DPP6: variants seen among roughly 807,000 people sequenced by gnomAD.
The protein encoded by DPP6 is A-type potassium channel modulatory protein DPP6.
DPP6 carries 69 observed loss-of-function variants against 122.6 expected under a neutral mutation model. The ratio of observed to expected loss-of-function variants is 0.56; its 90% confidence interval spans 0.46 to 0.69. The LOEUF (loss-of-function observed/expected upper bound fraction) is 0.69, where lower values mean the gene tolerates loss of function less well. Ranked by LOEUF, DPP6 falls within the 30% of genes least tolerant of loss-of-function variation. The pLI is 0.00. For synonymous variants in DPP6, 418 were observed against 433.1 expected, an observed-to-expected ratio of 0.97 and a Z score of 0.43; for missense variants, 928 against 1,116.9, an observed-to-expected ratio of 0.83 and a Z score of 2.41.
intron 2 of DPP6, among the ~76,000 whole-genome samples, chr7:154,449,735 C>T (rs903039245): frequency 3.3e-5 from 5 of 151,954 alleles, no homozygotes; most frequent in African/African-American, 7.3e-5. Flanking sequence ...TGGCGGGGCG[C>T]GGTGGCTCAC....
chr7:154,637,829 A>T lies in DPP6; in HGVS notation c.636A>T (p.Gln212His). Residue 212 changes from glutamine (Q) to histidine (H), a missense_variant, in exon 6 of 26, where the codon CAA becomes CAT. By Grantham distance (24) the Gln-to-His change is conservative. Coordinates refer to ENST00000377770, the MANE Select transcript of DPP6 (RefSeq NM_130797.4). ...CTTTTTGTCTGTTGCAGATATATCA[A>T]CACTCGTATACTGGATATTACGTCC... ...LFSYNVEPIYQHSYTGYYVLS... is the reference protein window; with the variant it reads ...LFSYNVEPIYHHSYTGYYVLS... 4 of 1,580,588 alleles carry T rather than the reference A, an allele frequency of 2.5e-6. No homozygotes were observed. The highest frequency in any genetic ancestry group is 3.4e-6 in the Non-Finnish European group (4 of 1,161,844).
chr7:154,514,146 G>A (rs1326705432), intron 3 of DPP6, among the ~76,000 whole-genome samples: 5 of 151,980 alleles, frequency 3.3e-5, no homozygotes, highest in Admixed American at 1.3e-4. Context: ...CATGGTGGTG[G>A]GTACCTGTAA....
chr7:153,811,711 G>A, the DPP6 span, among the ~76,000 whole-genome samples: 1 of 152,244 alleles, frequency 6.6e-6, no homozygotes, highest in African/African-American at 2.4e-5. Flanking sequence ...TGCTCTTAAA[G>A]TCACAAAACT....
chr7:154,573,701 GTCA>G lies in DPP6; in HGVS notation c.627+6789_627+6791del, dbSNP rs1372426774. ...TTACTACATGAGATTATCAAAAATG[GTCA>G]TCACTGATTTTTGAAATGTGTGTTT... is the stretch of plus-strand genomic sequence containing the variant. On this transcript the variant is annotated intron_variant, in intron 5 of 25. Transcript: ENST00000377770. Among the ~76,000 whole-genome samples, 382 of 152,352 alleles carry G rather than the reference GTCA, an allele frequency of 2.5e-3. 2 individuals carry two copies. Among genetic ancestry groups the G allele is most frequent in the African/African-American group, 6.5e-3 (271 of 41,592 alleles).
At chr7:154,563,541 G>A (rs906743693) in intron 4 of DPP6, among the ~76,000 whole-genome samples, 3 of 152,146 alleles carry the variant, frequency 2.0e-5, no homozygotes, top group Non-Finnish European at 4.4e-5. Flanking sequence ...TAATGGTGGT[G>A]GGAAAGAGAA....
chr7:154,417,951 G>A (rs180699299), intron 1 of DPP6, among the ~76,000 whole-genome samples: 1 of 152,314 alleles, frequency 6.6e-6, no homozygotes, highest in Admixed American at 6.5e-5. Flanking sequence ...AATCATTTGT[G>A]TCTCTCCATG....
intron 1 of DPP6, among the ~76,000 whole-genome samples, chr7:154,197,973 TCA>T (rs1798955615): frequency 1.3e-5 from 2 of 152,134 alleles, no homozygotes; most frequent in African/African-American, 2.4e-5. Context: ...CTGCTGGGAA[TCA>T]CTCTCTTTGA....
At chr7:154,434,994 G>A (rs1473128266) in intron 1 of DPP6, among the ~76,000 whole-genome samples, 1 of 151,974 alleles carries the variant, frequency 6.6e-6, no homozygotes, top group African/African-American at 2.4e-5. Flanking sequence ...ACGCCCTTAT[G>A]CCCCATTACT....
chr7:154,477,925 C>T (rs1356717768), intron 3 of DPP6, among the ~76,000 whole-genome samples: 2 of 152,128 alleles, frequency 1.3e-5, no homozygotes, highest in Admixed American at 1.3e-4. Flanking sequence ...GTGGTTGGGT[C>T]CCCAAATACA....
intron 7 of DPP6, among the ~76,000 whole-genome samples, chr7:154,713,719 A>G (rs1841328168): frequency 1.3e-5 from 2 of 151,968 alleles, no homozygotes; most frequent in Non-Finnish European, 2.9e-5. Context: ...CAGGAAAACT[A>G]TTTTTCCCTC....
Position 154,755,863 on chromosome 7 carries a change from C to T in DPP6, c.884-13554C>T, listed in dbSNP as rs1266325913. The stretch of plus-strand genomic sequence containing the variant: ...AGGACAAGGTGGCCTCTGTCTTCAT[C>T]GTGTGTCTTGGGTCCCCCTTCGTAA... On this transcript the variant is annotated intron_variant, in intron 8 of 25. Coordinates refer to ENST00000377770, the MANE Select transcript of DPP6 (RefSeq NM_130797.4). This position sits in a 1 kb window ranked among gnomAD's most constrained non-coding sequence, Gnocchi z 4.7. Among the ~76,000 whole-genome samples the T allele has an allele frequency of 2.0e-5, 3 of 152,180 alleles. No individual in the cohort carries two copies. Among genetic ancestry groups the T allele is most frequent in the African/African-American group, 4.8e-5 (2 of 41,436 alleles).
chr7:154,297,125 G>A lies in DPP6; in HGVS notation c.244-149089G>A, dbSNP rs191191372. ...TGAGGGATAGCCTACTTTAATATCA[G>A]AAGATTTTTTTTTTATTGAATTGTG... is the stretch of plus-strand genomic sequence containing the variant. On this transcript the variant is annotated intron_variant, in intron 1 of 25. Transcript: ENST00000377770. 2.7e-3 allele frequency among the ~76,000 whole-genome samples: 378 copies of A among 140,434 alleles called. 2 individuals are homozygous for A. The highest frequency in any genetic ancestry group is 9.9e-3 in the African/African-American group (360 of 36,320). 92.1% of individuals were successfully genotyped at this position (140,434 alleles called of 152,430 possible).
chr7:154,615,249 T>C (rs1235023346), intron 5 of DPP6, among the ~76,000 whole-genome samples: 2 of 152,168 alleles, frequency 1.3e-5, no homozygotes, highest in African/African-American at 4.8e-5. Context: ...CGAGCCTCTT[T>C]GCTCTGTAGT....
intron 2 of DPP6, among the ~76,000 whole-genome samples, chr7:154,456,135 T>C (rs1563699875): frequency 6.6e-6 from 1 of 152,266 alleles, no homozygotes; most frequent in East Asian, 1.9e-4. Flanking sequence ...TGGAGAGCAA[T>C]TCTGTAAAAT....
At chr7:153,895,388 A>T (rs1283804511) in intron 1 of DPP6, among the ~76,000 whole-genome samples, 1 of 152,174 alleles carries the variant, frequency 6.6e-6, no homozygotes, top group African/African-American at 2.4e-5. Flanking sequence ...TAGATTGATT[A>T]TTCTTGAAGT....
At chr7:154,485,412 A>C (rs992851336) in intron 3 of DPP6, among the ~76,000 whole-genome samples, 2 of 152,072 alleles carry the variant, frequency 1.3e-5, no homozygotes, top group African/African-American at 4.8e-5. Flanking sequence ...CCTTAAGAGA[A>C]GAGAGCCTCA....
At chr7:154,549,847 A>G (rs1017999822) in intron 4 of DPP6, among the ~76,000 whole-genome samples, 6 of 152,170 alleles carry the variant, frequency 3.9e-5, no homozygotes, top group Admixed American at 2.0e-4. Context: ...CTGGACGATC[A>G]TTATTTTGGC....
chr7:154,459,077 G>A (rs1362050356), intron 2 of DPP6, among the ~76,000 whole-genome samples: 1 of 151,720 alleles, frequency 6.6e-6, no homozygotes, highest in Non-Finnish European at 1.5e-5. Flanking sequence ...CAATTAAACA[G>A]ATTTAAGCTC....
At position 154,102,188 on chromosome 7, in the gene DPP6, A is replaced by G. The variant is rs574261343; in HGVS notation, c.243+49125A>G. Among the ~76,000 whole-genome samples the G allele has an allele frequency of 4.0e-5, 6 of 149,948 alleles. No homozygotes were observed. In the South Asian group the frequency reaches 1.1e-3, roughly 27 times the overall value. On this transcript the variant is annotated intron_variant, in intron 1 of 25. Coordinates refer to ENST00000377770, the MANE Select transcript of DPP6 (RefSeq NM_130797.4). ...TCCATAAAGCCCCTCCTTAGCTTCCATTTTTTTTTCTTTTGAGACAGAGTT... is the reference window on the plus strand; with the variant it reads ...TCCATAAAGCCCCTCCTTAGCTTCCGTTTTTTTTTCTTTTGAGACAGAGTT...
Sources: allele counts gnomAD v4.1 joint callset (sites outside exome capture counted in the v4.1 genomes callset), GRCh38; gene constraint gnomAD v4.1.1; non-coding constraint Gnocchi (gnomAD v3.1); transcripts MANE v1.5; gene names NCBI Gene and HGNC (gene_info 2026-07-23, HGNC 2026-07-21).